The following ABCC1 variants were observed in gnomAD, a reference collection of about 807,000 sequenced individuals.
ABCC1 encodes multidrug resistance-associated protein 1.
ABCC1 carries 83 observed loss-of-function variants against 172.9 expected under a neutral mutation model. That is an observed-to-expected ratio of 0.48 (90% CI 0.40 to 0.58). The LOEUF is 0.58. Among genes scored for constraint, ABCC1 ranks in the 20% least tolerant of loss-of-function variants. The pLI is 0.00. For synonymous variants in ABCC1, 937 were observed against 825.2 expected (o/e 1.14, Z -2.32); for missense variants, 1,817 against 2,002.7 (o/e 0.91, Z 1.77).
chr16:16,110,525 G>A (rs760372850), intron 21 of ABCC1, among the ~76,000 whole-genome samples: 41 of 152,232 alleles, frequency 2.7e-4, no homozygotes, highest in Middle Eastern at 3.4e-3. Context: ...GAGTAGCTGA[G>A]ATGACATGTG....
intron 15 of ABCC1, among the ~76,000 whole-genome samples, chr16:16,078,058 T>A (rs1056115564): frequency 6.6e-6 from 1 of 152,172 alleles, no homozygotes; most frequent in Admixed American, 6.5e-5. Context: ...CTTGGGAGGC[T>A]GAGGCACAAG....
intron 20 of ABCC1, among the ~76,000 whole-genome samples, chr16:16,103,722 G>A (rs144280107): frequency 6.6e-6 from 1 of 152,230 alleles, no homozygotes; most frequent in Non-Finnish European, 1.5e-5. Flanking sequence ...CAGGGGTCAG[G>A]AGAGAGCAAA....
At chr16:16,048,984 C>CA (rs112797521) in intron 10 of ABCC1, among the ~76,000 whole-genome samples, 150 of 103,516 alleles carry the variant, frequency 1.4e-3, no homozygotes, top group Admixed American at 5.3e-3. Flanking sequence ...ACTCCAATTC[C>CA]AAAAAAAAAA....
chr16:15,951,869 T>C (rs191727411), intron 1 of ABCC1, among the ~76,000 whole-genome samples: 1 of 152,140 alleles, frequency 6.6e-6, no homozygotes, highest in African/African-American at 2.4e-5. Flanking sequence ...TTTGTATTTT[T>C]TATAGAGACA....
intron 25 of ABCC1, 62 bp from the exon 26 acceptor site, chr16:16,125,748 A>G (rs2045405049): frequency 1.6e-6 from 2 of 1,252,488 alleles, no homozygotes; most frequent in African/African-American, 3.0e-5. Flanking sequence ...GGAAAAAAAG[A>G]AAAAGGAAAG....
At chr16:16,000,982 C>T (rs1327006812) in intron 1 of ABCC1, among the ~76,000 whole-genome samples, 1 of 152,134 alleles carries the variant, frequency 6.6e-6, no homozygotes, top group Non-Finnish European at 1.5e-5. Context: ...TTTATTTGAC[C>T]AGCAGTTGGG....
chr16:16,080,034 A>G (rs2050747998), intron 16 of ABCC1, among the ~76,000 whole-genome samples: 1 of 151,838 alleles, frequency 6.6e-6, no homozygotes, highest in Non-Finnish European at 1.5e-5. Flanking sequence ...GCTGGTCTCA[A>G]ACTCCTGACC....
chr16:16,035,031 T>C (rs1327977118), intron 6 of ABCC1, among the ~76,000 whole-genome samples: 1 of 152,236 alleles, frequency 6.6e-6, no homozygotes, highest in East Asian at 1.9e-4. Context: ...GAATTCTTAG[T>C]ATGATTTGAG....
chr16:15,988,990 G>C (rs1163319601), intron 1 of ABCC1, among the ~76,000 whole-genome samples: 1 of 146,586 alleles, frequency 6.8e-6, no homozygotes, highest in African/African-American at 2.6e-5. Context: ...GATCACTTGA[G>C]CCTGGGAGTT....
At chr16:16,064,964 G>A (rs571916107) in intron 12 of ABCC1, among the ~76,000 whole-genome samples, 69 of 152,362 alleles carry the variant, frequency 4.5e-4, no homozygotes, top group African/African-American at 1.6e-3. Flanking sequence ...GCGGCTTGCA[G>A]TTTTAAGTAG....
intron 26 of ABCC1, among the ~76,000 whole-genome samples, chr16:16,126,915 A>G (rs1235922307): frequency 1.3e-5 from 2 of 152,118 alleles, no homozygotes; most frequent in Non-Finnish European, 2.9e-5. Flanking sequence ...TCCCCTTTTT[A>G]TAGATGGAGA....
intron 19 of ABCC1, among the ~76,000 whole-genome samples, chr16:16,100,757 C>T (rs940776265): frequency 1.8e-4 from 27 of 152,206 alleles, no homozygotes; most frequent in Admixed American, 5.2e-4. Context: ...CCAGGCACTG[C>T]GTGCAGTCTC....
At chr16:16,101,275 C>G (rs2051733161) in intron 19 of ABCC1, among the ~76,000 whole-genome samples, 1 of 152,148 alleles carries the variant, frequency 6.6e-6, no homozygotes, top group Non-Finnish European at 1.5e-5. Flanking sequence ...CTCAAGCGAT[C>G]TGCCCGCCTC....
intron 27 of ABCC1, 70 bp from the exon 28 acceptor site, chr16:16,134,279 AG>A: frequency 1.3e-6 from 2 of 1,590,602 alleles, no homozygotes; most frequent in Non-Finnish European, 1.7e-6. Flanking sequence ...GGCCGAGATG[AG>A]GGCACTTTGG....
intron 16 of ABCC1, among the ~76,000 whole-genome samples, chr16:16,081,465 T>C (rs917976314): frequency 6.6e-6 from 1 of 152,200 alleles, no homozygotes; most frequent in African/African-American, 2.4e-5. Context: ...TTATTTATTA[T>C]TGGTTGTTTG....
At chr16:16,038,043 A>AGGATGGATGGATGGATGGAT (rs150697316) in intron 7 of ABCC1, among the ~76,000 whole-genome samples, 11 of 151,722 alleles carry the variant, frequency 7.3e-5, no homozygotes, top group African/African-American at 2.7e-4. Context: ...CAGAACTAGT[A>AGGATGGATGGATGGATGGAT]GGATGGATGG....
At chr16:16,039,266 CTTTTT>C (rs1202497870) in intron 7 of ABCC1, among the ~76,000 whole-genome samples, 10 of 87,766 alleles carry the variant, frequency 1.1e-4, no homozygotes, top group Non-Finnish European at 4.2e-5. Flanking sequence ...TGTGTGTTTT[CTTTTT>C]TTTTTTTTTT....
chr16:16,094,347 C>T (rs921095960), intron 19 of ABCC1: 9 of 253,980 alleles, frequency 3.5e-5, no homozygotes, highest in South Asian at 9.9e-5. Context: ...TTTGGGCCGC[C>T]GACCTTGTGG....
intron 18 of ABCC1, among the ~76,000 whole-genome samples, chr16:16,089,983 C>A (rs2051175851): frequency 6.6e-6 from 1 of 152,018 alleles, no homozygotes; most frequent in African/African-American, 2.4e-5. Context: ...TCTTGTCATT[C>A]AGGTTTTTGT....
Sources: gnomAD v4.1 joint callset for allele counts (sites outside exome capture counted in the v4.1 genomes callset) on GRCh38, gnomAD v4.1.1 for gene constraint, MANE v1.5 for transcripts, NCBI Gene and HGNC (gene_info 2026-07-23, HGNC 2026-07-21) for gene names.